VWA8: variants seen among roughly 807,000 people sequenced by gnomAD.
VWA8 encodes von Willebrand factor A domain containing 8, also known as von Willebrand factor A domain-containing protein 8.
VWA8 carries 221 observed loss-of-function variants against 241.5 expected under a neutral mutation model. The ratio of observed to expected loss-of-function variants is 0.91; its 90% CI spans 0.82 to 1.02. VWA8 has a LOEUF of 1.02. Ranked by LOEUF, VWA8 falls within the 50% of genes least tolerant of loss-of-function variation. VWA8 has a pLI of 0.00. For synonymous variants in VWA8, 852 were observed against 827.1 expected (o/e 1.03, Z -0.52); for missense variants, 2,322 against 2,328.7 (o/e 1.00, Z 0.06).
intron 21 of VWA8, among the ~76,000 whole-genome samples, chr13:41,757,274 C>T (rs188473034): frequency 2.0e-5 from 3 of 151,684 alleles, no homozygotes; most frequent in East Asian, 1.9e-4. Flanking sequence ...TACACAGCCT[C>T]GTAGTTTTAA....
Position 41,855,479 on chromosome 13 carries a change from G to A in VWA8, c.1425+10257C>T, listed in dbSNP as rs115313810. Among the ~76,000 whole-genome samples the A allele has an allele frequency of 2.9e-3, 442 of 150,780 alleles. 2 individuals are homozygous for A. Among genetic ancestry groups the A allele is most frequent in the African/African-American group, 0.01 (414 of 41,102 alleles). The stretch of plus-strand genomic sequence containing the variant: ...CTGATATAAACATAAATTAAAATGT[G>A]ATAAGGTAGTCAGCAATTAAAAGGA... On this transcript the variant is annotated intron_variant, in intron 12 of 44. Transcript: ENST00000379310.
intron 9 of VWA8, among the ~76,000 whole-genome samples, chr13:41,879,519 T>C (rs1274307822): frequency 2.0e-5 from 3 of 152,082 alleles, no homozygotes; most frequent in Non-Finnish European, 4.4e-5. Flanking sequence ...TGCTTCTTTT[T>C]GCTTCTCTTA....
chr13:41,573,958 A>T (rs2044333040), intron 43 of VWA8, among the ~76,000 whole-genome samples: 1 of 152,140 alleles, frequency 6.6e-6, no homozygotes, highest in African/African-American at 2.4e-5. Flanking sequence ...AAAATAACTA[A>T]AAGAGTTCAA....
chr13:41,936,984 C>T (rs1877379996), intron 2 of VWA8, among the ~76,000 whole-genome samples: 1 of 152,128 alleles, frequency 6.6e-6, no homozygotes, highest in Admixed American at 6.5e-5. Context: ...AGTGTCATAA[C>T]ACTGTAGTTA....
intron 12 of VWA8, among the ~76,000 whole-genome samples, chr13:41,863,452 T>C (rs1483637781): frequency 5.7e-5 from 6 of 105,448 alleles, no homozygotes; most frequent in African/African-American, 2.1e-4. Flanking sequence ...TATATATATA[T>C]ATTCACACAC....
chr13:41,575,734 A>G lies in VWA8; in HGVS notation c.5370+6T>C. 1 of 1,592,932 alleles carries G rather than the reference A, an allele frequency of 6.3e-7. No homozygotes were observed. The highest frequency in any genetic ancestry group is 1.1e-5 in the South Asian group (1 of 90,090). ...TCATAATACAGAGGTAATAAAATATATTTACCTTCAGAATTTCTAGTCTTT... is the reference window on the plus strand; with the variant it reads ...TCATAATACAGAGGTAATAAAATATGTTTACCTTCAGAATTTCTAGTCTTT... On this transcript the variant is annotated splice_donor_region_variant and intron_variant, in intron 43 of 44. Transcript: ENST00000379310.
chr13:41,739,955 T>C (rs188867373), intron 21 of VWA8, among the ~76,000 whole-genome samples: 2,013 of 150,376 alleles, frequency 0.013, 12 homozygotes, highest in South Asian at 0.019. Context: ...CCCAGGTTCA[T>C]GTCATTCTCC....
At chr13:41,811,808 TTG>T (rs1409045491) in intron 16 of VWA8, among the ~76,000 whole-genome samples, 1 of 152,292 alleles carries the variant, frequency 6.6e-6, no homozygotes, top group Non-Finnish European at 1.5e-5. Context: ...GTCAACCAAT[TTG>T]TCACTTGTGC....
chr13:41,830,768 T>A (rs781494271), intron 13 of VWA8, 126 bp from the exon 14 acceptor site: 7 of 748,092 alleles, frequency 9.4e-6, no homozygotes, highest in Non-Finnish European at 1.5e-5. Context: ...TTTTGTTAGA[T>A]GGACCTTTCA....
At chr13:41,748,946 T>C (rs1407841932) in intron 21 of VWA8, among the ~76,000 whole-genome samples, 6 of 152,128 alleles carry the variant, frequency 3.9e-5, no homozygotes, top group African/African-American at 1.4e-4. Flanking sequence ...GACATAGGCA[T>C]GGGGAAGGAC....
intron 37 of VWA8, among the ~76,000 whole-genome samples, chr13:41,661,642 A>G (rs932773036): frequency 2.0e-5 from 3 of 152,150 alleles, no homozygotes; most frequent in African/African-American, 7.2e-5. Context: ...TAGAAGTTTT[A>G]AAGTATTCAT....
chr13:41,570,684 A>C lies in VWA8; in HGVS notation c.5393T>G (p.Phe1798Cys), dbSNP rs1323285580. Residue 1798 changes from phenylalanine to cysteine, a missense_variant, in exon 44 of 45, where the codon TTC becomes TGC. By Grantham distance (205) the Phe-to-Cys change is radical. Coordinates refer to ENST00000379310, the MANE Select transcript of VWA8 (RefSeq NM_015058.2). ...ILKTMHAHSQ[F>C]CMSGDHTLEG... ...TAACGTGTGGTCCCCACTCATGCAG[A>C]ACTGAGAGTGGGCATGCATTGTCTG... 2 of 1,613,926 alleles carry C rather than the reference A, an allele frequency of 1.2e-6. No individual in the cohort carries two copies. The highest frequency in any genetic ancestry group is 1.7e-6 in the Non-Finnish European group (2 of 1,179,868).
chr13:41,809,747 A>T (rs1258662624), intron 17 of VWA8, among the ~76,000 whole-genome samples: 1 of 152,186 alleles, frequency 6.6e-6, no homozygotes. Context: ...CAAAAATGGG[A>T]CAAATAGGAT....
chr13:41,859,032 G>A (rs1448628923), intron 12 of VWA8, among the ~76,000 whole-genome samples: 3 of 150,946 alleles, frequency 2.0e-5, no homozygotes, highest in Non-Finnish European at 4.4e-5. Context: ...AGCTGTGCCT[G>A]CGCCACTGCA....
intron 42 of VWA8, among the ~76,000 whole-genome samples, chr13:41,581,365 C>G (rs2044382464): frequency 1.3e-5 from 2 of 152,192 alleles, no homozygotes; most frequent in Non-Finnish European, 2.9e-5. Flanking sequence ...CCCTCAGAGC[C>G]TGTGAGAAAT....
At chr13:41,889,353 A>C (rs1273511122) in intron 5 of VWA8, among the ~76,000 whole-genome samples, 1 of 151,946 alleles carries the variant, frequency 6.6e-6, no homozygotes, top group Non-Finnish European at 1.5e-5. Flanking sequence ...TTCTCACTTA[A>C]TAATAAGCAT....
chr13:41,611,010 C>G (rs925778964), intron 39 of VWA8, among the ~76,000 whole-genome samples: 2 of 152,122 alleles, frequency 1.3e-5, no homozygotes. Flanking sequence ...GGCTAGCTGC[C>G]TCTCTCTTCC....
intron 12 of VWA8, among the ~76,000 whole-genome samples, chr13:41,834,068 T>A (rs572818536): frequency 6.6e-6 from 1 of 152,188 alleles, no homozygotes; most frequent in African/African-American, 2.4e-5. Context: ...AGAGGCTTGA[T>A]AATGGAGGAA....
intron 4 of VWA8, among the ~76,000 whole-genome samples, chr13:41,892,404 C>T (rs1874889558): frequency 6.6e-6 from 1 of 152,174 alleles, no homozygotes; most frequent in Non-Finnish European, 1.5e-5. Flanking sequence ...TAAATTTATA[C>T]TGTTATTCCC....
Sources: allele counts gnomAD v4.1 joint callset (sites outside exome capture counted in the v4.1 genomes callset), GRCh38; gene constraint gnomAD v4.1.1; transcripts MANE v1.5; gene names NCBI Gene and HGNC (gene_info 2026-07-23, HGNC 2026-07-21).